ZNF345: variants seen among roughly 807,000 people sequenced by gnomAD.
ZNF345 encodes zinc finger protein HZF10.
For missense variants in ZNF345, 527 were observed against 589.9 expected, an observed-to-expected ratio of 0.89 and a Z score of 1.10; for synonymous variants, 166 against 187.9, an observed-to-expected ratio of 0.88 and a Z score of 0.95.
downstream of ZNF345, among the ~76,000 whole-genome samples, chr19:36,883,895 C>T (rs2071613208): frequency 6.6e-6 from 1 of 152,036 alleles, no homozygotes; most frequent in Non-Finnish European, 1.5e-5. Context: ...GAATAGTTTC[C>T]ACAAGACTGC....
chr19:36,886,409 CTA>C (rs2072996765), intron 3 of ZNF345, among the ~76,000 whole-genome samples: 1 of 152,200 alleles, frequency 6.6e-6, no homozygotes, highest in Admixed American at 6.5e-5. Context: ...TCTTTGATAT[CTA>C]TGAGGAAAAT....
intron 1 of ZNF345, 107 bp from the exon 2 acceptor site, chr19:36,851,723 T>A (rs1245228980): frequency 6.6e-6 from 1 of 152,282 alleles, no homozygotes; most frequent in Non-Finnish European, 1.5e-5. Context: ...GACCTTCCTC[T>A]GTAGGTGATG....
rs930974869 is a variant in ZNF345 at position 36,868,870 on chromosome 19, C to T, written c.-46-7915C>T. 5.3e-5 allele frequency among the ~76,000 whole-genome samples: 8 copies of T among 152,042 alleles called. 1 individual carries two copies. The highest frequency in any genetic ancestry group is 1.2e-4 in the Non-Finnish European group (8 of 67,998). Reference sequence around the variant, plus strand: ...CAAACTCCTGACCTCGTGATCCACCCGCCTCAGCCTCCCAAACTGCTGGGA... The same window carrying T: ...CAAACTCCTGACCTCGTGATCCACCTGCCTCAGCCTCCCAAACTGCTGGGA... On this transcript the variant is annotated intron_variant, in intron 2 of 2. Coordinates refer to ENST00000420450, the MANE Select transcript of ZNF345 (RefSeq NM_001242472.2).
chr19:36,868,149 C>T (rs1226055578), intron 2 of ZNF345, among the ~76,000 whole-genome samples: 4 of 151,894 alleles, frequency 2.6e-5, no homozygotes, highest in South Asian at 2.1e-4. Flanking sequence ...ATTACAGGTG[C>T]GTGCCACCAC....
intron 2 of ZNF345, among the ~76,000 whole-genome samples, chr19:36,862,181 C>CT (rs2072562435): frequency 6.6e-6 from 1 of 152,072 alleles, no homozygotes; most frequent in Admixed American, 6.6e-5. Flanking sequence ...TATCTTTGGA[C>CT]TGGGAGTACG....
intron 3 of ZNF345, chr19:36,891,390 A>C (rs1333628249): frequency 1.6e-6 from 2 of 1,224,262 alleles, no homozygotes; most frequent in Non-Finnish European, 2.2e-6. Context: ...AAAAACGAAT[A>C]CATAGGAGAA....
chr19:36,870,768 A>T (rs1173004890), intron 2 of ZNF345, among the ~76,000 whole-genome samples: 1 of 152,066 alleles, frequency 6.6e-6, no homozygotes, highest in Non-Finnish European at 1.5e-5. Context: ...CTTTGTTCCC[A>T]GTGTCCTAGA....
At chr19:36,859,878 GCACACA>G (rs149214652) in intron 2 of ZNF345, among the ~76,000 whole-genome samples, 1 of 147,840 alleles carries the variant, frequency 6.8e-6, no homozygotes, top group Non-Finnish European at 1.5e-5. Context: ...CTCTCTCTCT[GCACACA>G]CACACACACA....
At position 36,877,660 on chromosome 19, in the gene ZNF345, A is replaced by G; in HGVS notation, c.830A>G (p.Gln277Arg). The change falls in exon 3 of 3, where the codon CAA becomes CGA. Residue 277 changes from glutamine to arginine, a missense_variant. Gln to Arg is a conservative substitution (Grantham distance 43, BLOSUM62 1). Transcript: ENST00000420450. Reference sequence around the variant, plus strand: ...TTTGGATCAGCCCTTACTCGACATCAAAGAATTCATACTGGTGAGAAACCT... The same window carrying G: ...TTTGGATCAGCCCTTACTCGACATCGAAGAATTCATACTGGTGAGAAACCT... ...FSFGSALTRH[Q>R]RIHTGEKPYV... 3 of 1,614,126 alleles carry G rather than the reference A, an allele frequency of 1.9e-6. No homozygotes were observed. The highest frequency in any genetic ancestry group is 2.2e-5 in the South Asian group (2 of 91,074).
upstream of ZNF345, chr19:36,850,398 CAAG>C (rs1334260836): frequency 6.6e-6 from 1 of 152,252 alleles, no homozygotes; most frequent in African/African-American, 2.4e-5. Flanking sequence ...CTTAAACAGG[CAAG>C]AAGGACTTGG....
At chr19:36,883,275 A>G (rs516635), downstream of ZNF345, among the ~76,000 whole-genome samples, 6,178 of 152,258 alleles carry the variant, frequency 0.041, 405 homozygotes, top group African/African-American at 0.14. Context: ...TAAAATTCTC[A>G]AACTCTGTTG....
At chr19:36,866,117 C>G (rs529326584) in intron 2 of ZNF345, among the ~76,000 whole-genome samples, 1 of 152,054 alleles carries the variant, frequency 6.6e-6, no homozygotes, top group East Asian at 1.9e-4. Context: ...CAAAATTATT[C>G]TCTCTTCATA....
At chr19:36,892,217 A>C in intron 3 of ZNF345, 1 of 1,614,112 alleles carries the variant, frequency 6.2e-7, no homozygotes, top group Non-Finnish European at 8.5e-7. Context: ...CGACTAAAGG[A>C]CTTCCCATAC....
intron 3 of ZNF345, chr19:36,892,234 G>T (rs767952344): frequency 7.4e-6 from 12 of 1,613,922 alleles, no homozygotes. Context: ...ATACTCCTTA[G>T]ATTCATAGTG....
intron 2 of ZNF345, among the ~76,000 whole-genome samples, chr19:36,869,764 CT>C (rs370081401): frequency 2.0e-3 from 277 of 139,494 alleles, no homozygotes; most frequent in Admixed American, 2.0e-3. Context: ...GATCATTTAG[CT>C]TTTTTTTTTT....
At chr19:36,892,434 T>C (rs555184849) in intron 3 of ZNF345, 1 of 1,601,708 alleles carries the variant, frequency 6.2e-7, no homozygotes, top group African/African-American at 1.3e-5. Context: ...GTCTCTTCTT[T>C]AGAGATAATA....
At chr19:36,892,954 A>AGCGGCATCC in exon 4 of ZNF345, 1 of 578,436 alleles carries the variant, frequency 1.7e-6, no homozygotes. Context: ...GGCCAGCAGG[A>AGCGGCATCC]TGCCGCTTCT....
intron 2 of ZNF345, among the ~76,000 whole-genome samples, chr19:36,870,907 A>G (rs1192632043): frequency 6.6e-6 from 1 of 152,186 alleles, no homozygotes; most frequent in Non-Finnish European, 1.5e-5. Flanking sequence ...TTTTAGAACA[A>G]TCTGTATTTT....
At chr19:36,891,758 T>C in intron 3 of ZNF345, 25 of 1,614,188 alleles carry the variant, frequency 1.5e-5, no homozygotes, top group Non-Finnish European at 2.0e-5. Flanking sequence ...CCAGCATGAA[T>C]TCTGTGATGG....
Sources: allele counts gnomAD v4.1 joint callset (sites outside exome capture counted in the v4.1 genomes callset), GRCh38; gene constraint gnomAD v4.1.1; transcripts MANE v1.5; gene names NCBI Gene and HGNC (gene_info 2026-07-23, HGNC 2026-07-21).